Variants in PCDHGA6 observed in about 807,000 individuals in gnomAD.
The protein encoded by PCDHGA6 is protocadherin gamma-A6.
PCDHGA6 carries 41 observed loss-of-function variants against 60.6 expected under a neutral mutation model. The observed-to-expected ratio is 0.68, with a 90% confidence interval of 0.53 to 0.88. The LOEUF is 0.88. PCDHGA6 is among the 40% of genes least tolerant of loss of function. The pLI, the probability that PCDHGA6 is intolerant of heterozygous loss-of-function variation, is 0.00. For missense variants in PCDHGA6, 1,312 were observed against 1,203.0 expected (o/e 1.09, Z -1.34); for synonymous variants, 594 against 524.4 (o/e 1.13, Z -1.81).
intron 1 of PCDHGA6, chr5:141,388,607 G>A (rs943233962): frequency 6.2e-7 from 1 of 1,613,904 alleles, no homozygotes; most frequent in Non-Finnish European, 8.5e-7. Context: ...ATGCTCCAGT[G>A]TTCAGTCAAG....
chr5:141,480,694 G>A (rs1446014656), intron 1 of PCDHGA6, among the ~76,000 whole-genome samples: 1 of 152,128 alleles, frequency 6.6e-6, no homozygotes, highest in Non-Finnish European at 1.5e-5. Flanking sequence ...TGAAACCCAG[G>A]CCACACCCCG....
Position 141,454,981 on chromosome 5 carries a change from A to T in PCDHGA6, c.2425-39826A>T, listed in dbSNP as rs528657512. 9.9e-3 allele frequency among the ~76,000 whole-genome samples: 1,486 copies of T among 150,680 alleles called. 32 individuals carry two copies. Among genetic ancestry groups the T allele is most frequent in the African/African-American group, 0.034 (1,392 of 41,092 alleles). On this transcript the variant is annotated intron_variant, in intron 1 of 3. Coordinates refer to ENST00000517434, the MANE Select transcript of PCDHGA6 (RefSeq NM_018919.3). ...GGCCACCACGCCTGGCTAATTTTTTAAAAAATATTTTTAGTAGAGACGGGG... is the reference window on the plus strand; with the variant it reads ...GGCCACCACGCCTGGCTAATTTTTTTAAAAATATTTTTAGTAGAGACGGGG...
intron 1 of PCDHGA6, chr5:141,410,442 C>T (rs1444532577): frequency 6.2e-7 from 1 of 1,613,942 alleles, no homozygotes; most frequent in East Asian, 2.2e-5. Context: ...AGTGAGGGGA[C>T]TTTGCCTTAT....
chr5:141,375,570 T>C lies in PCDHGA6; in HGVS notation c.1487T>C (p.Leu496Pro). Residue 496 changes from leucine (L) to proline (P), a missense_variant, in exon 1 of 4, where the codon CTC (leucine) becomes CCC (proline). Leu to Pro is a moderately conservative substitution (Grantham distance 98). Transcript: ENST00000517434. ...QVSYSLAEDT[L>P]QGAPLSSYVS... ...TCCTACTCACTGGCAGAAGACACCC[T>C]CCAGGGGGCGCCCCTGTCCTCCTAC... is the stretch of plus-strand genomic sequence containing the variant. The C allele has an allele frequency of 1.2e-6, 2 of 1,614,014 alleles. No homozygotes were observed. Among genetic ancestry groups the C allele is most frequent in the Non-Finnish European group, 1.7e-6 (2 of 1,179,952 alleles).
Position 141,489,791 on chromosome 5 carries a change from C to G in PCDHGA6, c.2425-5016C>G. ...AGCCACTTCTCTCTGAATGTGAAGA[C>G]CCTAAAAGATGGGAAGCCATTCCCA... On this transcript the variant is annotated intron_variant, in intron 1 of 3. Transcript: ENST00000517434. The surrounding 1 kb of genome is among the most constrained non-coding windows in gnomAD (Gnocchi z 4.5). 2 of 1,614,174 alleles carry G rather than the reference C, an allele frequency of 1.2e-6. No individual in the cohort carries two copies. The highest frequency in any genetic ancestry group is 1.7e-6 in the Non-Finnish European group (2 of 1,180,002).
intron 2 of PCDHGA6, among the ~76,000 whole-genome samples, chr5:141,500,985 C>T (rs2099804537): frequency 6.6e-6 from 1 of 152,048 alleles, no homozygotes; most frequent in Non-Finnish European, 1.5e-5. Flanking sequence ...TCTCCTGCCT[C>T]AGCCTCCTGA....
chr5:141,407,371 T>C (rs2094921499), intron 1 of PCDHGA6, among the ~76,000 whole-genome samples: 1 of 152,222 alleles, frequency 6.6e-6, no homozygotes, highest in South Asian at 2.1e-4. Context: ...CAGATATCCA[T>C]GAAGGCTTGT....
At chr5:141,482,555 T>C (rs1419129474) in intron 1 of PCDHGA6, among the ~76,000 whole-genome samples, 1 of 116,392 alleles carries the variant, frequency 8.6e-6, no homozygotes, top group African/African-American at 3.8e-5. Context: ...AAAAAGATAA[T>C]GGAGATCTGC....
At chr5:141,439,774 T>G (rs1435214431) in intron 1 of PCDHGA6, 2 of 152,364 alleles carry the variant, frequency 1.3e-5, no homozygotes, top group East Asian at 3.9e-4. Context: ...CCTTCTTGGC[T>G]GGAGATTCTA....
At chr5:141,415,739 G>GTT (rs1561759437) in intron 1 of PCDHGA6, 11 of 435,132 alleles carry the variant, frequency 2.5e-5, no homozygotes, top group African/African-American at 1.6e-4. Flanking sequence ...TGTTTATTAA[G>GTT]GTTTTTTTTT....
chr5:141,427,428 T>C (rs1489623330), intron 1 of PCDHGA6: 3 of 470,472 alleles, frequency 6.4e-6, no homozygotes, highest in Admixed American at 4.7e-5. Context: ...GGAGGTTACA[T>C]GCCTCATAAA....
In PCDHGA6 at chr5:141,487,579, A is replaced by G. The variant is rs779441421; in HGVS notation, c.2425-7228A>G. 60 of 1,614,022 alleles carry G rather than the reference A, an allele frequency of 3.7e-5. No homozygotes were observed. The South Asian group carries it at 6.0e-4, about 16-fold the overall frequency. The stretch of plus-strand genomic sequence containing the variant: ...CTATGGCAGGGGAGCCTGTTCGCCC[A>G]AGCTGCCCACCCTCTGATCTTCTCT... On this transcript the variant is annotated intron_variant, in intron 1 of 3. Transcript: ENST00000517434. This position sits in a 1 kb window ranked among gnomAD's most constrained non-coding sequence, Gnocchi z 5.0.
chr5:141,482,086 T>C (rs1435200188), intron 1 of PCDHGA6, among the ~76,000 whole-genome samples: 6 of 93,070 alleles, frequency 6.4e-5, no homozygotes, highest in African/African-American at 3.7e-4. Flanking sequence ...ACTCACTCCA[T>C]CTCAAAAAAA....
intron 1 of PCDHGA6, chr5:141,384,502 C>A: frequency 6.2e-7 from 1 of 1,614,194 alleles, no homozygotes; most frequent in Non-Finnish European, 8.5e-7. Context: ...AGTGACTGCA[C>A]ATGACAGCGG....
chr5:141,412,987 A>C lies in PCDHGA6; in HGVS notation c.2424+36480A>C, dbSNP rs192699644. Reference sequence around the variant, plus strand: ...AGGAGAGAAAACGCAGCCAGAGCTCAATCCGGATTCTCAGGGCTTCAACTA... The same window carrying C: ...AGGAGAGAAAACGCAGCCAGAGCTCCATCCGGATTCTCAGGGCTTCAACTA... On this transcript the variant is annotated intron_variant, in intron 1 of 3. Transcript: ENST00000517434. The C allele has an allele frequency of 5.3e-6, 3 of 564,534 alleles. No homozygotes were observed. In the African/African-American group the frequency reaches 5.7e-5, roughly 11 times the overall value. The allele number at this position is 564,534 out of a possible 1,614,324, so 35.0% of individuals were successfully genotyped here.
At chr5:141,414,703 T>C in intron 1 of PCDHGA6, 1 of 1,613,994 alleles carries the variant, frequency 6.2e-7, no homozygotes. Flanking sequence ...CTCATACATA[T>C]CCATCAACTC....
At chr5:141,505,554 C>T in intron 3 of PCDHGA6, 73 bp downstream of exon 3, 1 of 1,606,130 alleles carries the variant, frequency 6.2e-7, no homozygotes, top group Non-Finnish European at 8.5e-7. Context: ...AGCCACCATG[C>T]CCACGGACTG....
chr5:141,487,577 C>A lies in PCDHGA6; in HGVS notation c.2425-7230C>A. 1.2e-6 allele frequency: 2 copies of A among 1,614,150 alleles called. No individual in the cohort carries two copies. Among genetic ancestry groups the A allele is most frequent in the Non-Finnish European group, 1.7e-6 (2 of 1,180,024 alleles). ...ACCTATGGCAGGGGAGCCTGTTCGC[C>A]CAAGCTGCCCACCCTCTGATCTTCT... On this transcript the variant is annotated intron_variant, in intron 1 of 3. Coordinates refer to ENST00000517434, the MANE Select transcript of PCDHGA6 (RefSeq NM_018919.3). The surrounding 1 kb of genome is among the most constrained non-coding windows in gnomAD (Gnocchi z 5.0).
At chr5:141,468,560 T>TA (rs2099169084) in intron 1 of PCDHGA6, 1 of 152,004 alleles carries the variant, frequency 6.6e-6, no homozygotes, top group Non-Finnish European at 1.5e-5. Context: ...ATTTGTGATA[T>TA]AGTAAACAAT....
Sources: allele counts gnomAD v4.1 joint callset (sites outside exome capture counted in the v4.1 genomes callset), GRCh38; gene constraint gnomAD v4.1.1; non-coding constraint Gnocchi (gnomAD v3.1); transcripts MANE v1.5; gene names NCBI Gene and HGNC (gene_info 2026-07-23, HGNC 2026-07-21).